ABTB3: variants seen among roughly 807,000 people sequenced by gnomAD.
ABTB3 encodes ankyrin repeat- and BTB/POZ domain-containing protein 3.
the ABTB3 span, among the ~76,000 whole-genome samples, chr12:107,610,619 G>C: frequency 5.3e-5 from 8 of 152,268 alleles, no homozygotes; most frequent in African/African-American, 1.7e-4. Context: ...TTCCAGAAAG[G>C]AAATAATGCC....
the ABTB3 span, among the ~76,000 whole-genome samples, chr12:107,364,240 T>C: frequency 0.62 from 94,068 of 151,786 alleles, 29,615 homozygotes; most frequent in African/African-American, 0.73. Flanking sequence ...AAAAGGAAAA[T>C]AGATTATGGA....
At chr12:107,483,631 C>T in the ABTB3 span, among the ~76,000 whole-genome samples, 1 of 152,122 alleles carries the variant, frequency 6.6e-6, no homozygotes, top group African/African-American at 2.4e-5. Flanking sequence ...CAAATGCTTG[C>T]CTGAAGCACT....
chr12:107,369,392 G>GTTTTTTTTTTTTTT, the ABTB3 span, among the ~76,000 whole-genome samples: 4 of 134,904 alleles, frequency 3.0e-5, no homozygotes, highest in African/African-American at 2.8e-5. Context: ...TCAAACAAGG[G>GTTTTTTTTTTTTTT]TTTTTTTTTT....
the ABTB3 span, among the ~76,000 whole-genome samples, chr12:107,350,391 A>G: frequency 2.0e-5 from 3 of 152,040 alleles, no homozygotes; most frequent in East Asian, 5.8e-4. Context: ...TCTACTAAAA[A>G]TACAAAAAGA....
At chr12:107,495,899 T>C in the ABTB3 span, among the ~76,000 whole-genome samples, 2 of 152,180 alleles carry the variant, frequency 1.3e-5, no homozygotes, top group African/African-American at 4.8e-5. Context: ...TGACATAAGA[T>C]ATTAAAGTAT....
At chr12:107,354,574 G>C in the ABTB3 span, among the ~76,000 whole-genome samples, 2 of 152,148 alleles carry the variant, frequency 1.3e-5, no homozygotes, top group Non-Finnish European at 1.5e-5. Flanking sequence ...GCAGATATCG[G>C]TACCTTATTC....
the ABTB3 span, among the ~76,000 whole-genome samples, chr12:107,548,768 G>A: frequency 6.6e-6 from 1 of 152,142 alleles, no homozygotes; most frequent in Non-Finnish European, 1.5e-5. Flanking sequence ...TGAGGGTACT[G>A]TTTTCAAAAA....
chr12:107,579,080 A>G, the ABTB3 span, among the ~76,000 whole-genome samples: 1 of 152,206 alleles, frequency 6.6e-6, no homozygotes, highest in African/African-American at 2.4e-5. Flanking sequence ...GAGGCCCACA[A>G]TGCGAGGGAT....
chr12:107,473,742 C>T, the ABTB3 span, among the ~76,000 whole-genome samples: 1 of 152,006 alleles, frequency 6.6e-6, no homozygotes, highest in African/African-American at 2.4e-5. Context: ...TATTTTATTG[C>T]ACTTGGTGAA....
the ABTB3 span, among the ~76,000 whole-genome samples, chr12:107,631,999 G>A: frequency 2.6e-3 from 394 of 152,216 alleles, 7 homozygotes; most frequent in East Asian, 0.041. Flanking sequence ...CCATTGTTAC[G>A]TATTTGAAGA....
At chr12:107,656,559 C>G in the ABTB3 span, among the ~76,000 whole-genome samples, 1 of 152,242 alleles carries the variant, frequency 6.6e-6, no homozygotes, top group Non-Finnish European at 1.5e-5. Context: ...TTGCCAACCA[C>G]TAGTCTAGGG....
the ABTB3 span, among the ~76,000 whole-genome samples, chr12:107,409,044 A>C: frequency 6.6e-6 from 1 of 152,230 alleles, no homozygotes. Flanking sequence ...TTCTGAGTGG[A>C]TCTTTAAAGG....
At chr12:107,368,230 A>G in the ABTB3 span, among the ~76,000 whole-genome samples, 3 of 152,192 alleles carry the variant, frequency 2.0e-5, no homozygotes, top group African/African-American at 7.2e-5. Flanking sequence ...ACCATTCAAC[A>G]CGGCAGAGAG....
the ABTB3 span, among the ~76,000 whole-genome samples, chr12:107,624,490 C>T: frequency 6.6e-6 from 1 of 152,116 alleles, no homozygotes; most frequent in Admixed American, 6.5e-5. Flanking sequence ...ATAACCACAC[C>T]CACTTCCCTC....
chr12:107,335,020 C>T, the ABTB3 span, among the ~76,000 whole-genome samples: 4 of 152,098 alleles, frequency 2.6e-5, no homozygotes, highest in Non-Finnish European at 5.9e-5. Context: ...GTGCAGTGGC[C>T]TACGCCTGTC....
chr12:107,340,624 C>A, the ABTB3 span, among the ~76,000 whole-genome samples: 1 of 151,918 alleles, frequency 6.6e-6, no homozygotes, highest in Admixed American at 6.6e-5. Context: ...TTCACTGGTC[C>A]CTTTTCCTAC....
chr12:107,502,182 G>A, the ABTB3 span, among the ~76,000 whole-genome samples: 3 of 151,690 alleles, frequency 2.0e-5, no homozygotes, highest in East Asian at 1.9e-4. Flanking sequence ...CTTGTGCCTC[G>A]GACTCTGGAG....
At chr12:107,627,645 T>A in the ABTB3 span, among the ~76,000 whole-genome samples, 1 of 152,180 alleles carries the variant, frequency 6.6e-6, no homozygotes, top group Non-Finnish European at 1.5e-5. Flanking sequence ...CCTGCAGCCA[T>A]GGTGACTTCT....
chr12:107,342,070 A>G, the ABTB3 span, among the ~76,000 whole-genome samples: 1 of 152,158 alleles, frequency 6.6e-6, no homozygotes, highest in East Asian at 1.9e-4. Context: ...TAGCAGTGCA[A>G]GAACAGCCTA....
Sources: gnomAD v4.1 joint callset for allele counts (sites outside exome capture counted in the v4.1 genomes callset) on GRCh38, gnomAD v4.1.1 for gene constraint, MANE v1.5 for transcripts, NCBI Gene and HGNC (gene_info 2026-07-23, HGNC 2026-07-21) for gene names.